NEGR1: variants seen among roughly 807,000 people sequenced by gnomAD.
NEGR1 encodes the protein neuronal growth regulator 1.
In NEGR1, 10 loss-of-function variants were observed where a neutral mutation model predicts 40.9. That is an observed-to-expected ratio of 0.24 (90% CI 0.15 to 0.42). The LOEUF is 0.42. Among genes scored for constraint, NEGR1 ranks in the 10% least tolerant of loss-of-function variants. The pLI is 1.00. For synonymous variants in NEGR1, 185 were observed against 166.8 expected, an observed-to-expected ratio of 1.11 and a Z score of -0.84; for missense variants, 352 against 438.9, an observed-to-expected ratio of 0.80 and a Z score of 1.77.
chr1:71,436,715 C>A (rs986743579), intron 6 of NEGR1, among the ~76,000 whole-genome samples: 4 of 152,040 alleles, frequency 2.6e-5, no homozygotes, highest in Non-Finnish European at 5.9e-5. Flanking sequence ...ACTTATTTTC[C>A]CCTCCTAAGC....
At chr1:72,257,093 C>T (rs1461351248) in intron 1 of NEGR1, among the ~76,000 whole-genome samples, 2 of 151,972 alleles carry the variant, frequency 1.3e-5, no homozygotes, top group Non-Finnish European at 2.9e-5. Flanking sequence ...GAGGCCGAGG[C>T]GGGCGGATCA....
chr1:71,845,788 C>T (rs1338662336), intron 2 of NEGR1, among the ~76,000 whole-genome samples: 1 of 152,130 alleles, frequency 6.6e-6, no homozygotes, highest in African/African-American at 2.4e-5. Context: ...GAGATGGGCT[C>T]TTGCTGTGTC....
chr1:72,022,415 T>C (rs1646769136), intron 1 of NEGR1, among the ~76,000 whole-genome samples: 1 of 149,106 alleles, frequency 6.7e-6, no homozygotes. Flanking sequence ...ATAAGAAGTA[T>C]ATAATCATCT....
intron 2 of NEGR1, among the ~76,000 whole-genome samples, chr1:71,905,432 C>T (rs987127370): frequency 5.3e-5 from 8 of 151,526 alleles, no homozygotes; most frequent in Non-Finnish European, 7.4e-5. Flanking sequence ...TTTTTATTTA[C>T]ATTTATATTC....
At chr1:72,011,707 T>A (rs1342942155) in intron 1 of NEGR1, among the ~76,000 whole-genome samples, 1 of 152,274 alleles carries the variant, frequency 6.6e-6, no homozygotes, top group East Asian at 1.9e-4. Context: ...CATCGGTGAA[T>A]GACACTAAGT....
chr1:72,093,292 C>G (rs985428321), intron 1 of NEGR1, among the ~76,000 whole-genome samples: 4 of 142,278 alleles, frequency 2.8e-5, no homozygotes, highest in African/African-American at 1.1e-4. Flanking sequence ...GACTGTGCCA[C>G]TGCACTCCAG....
intron 1 of NEGR1, among the ~76,000 whole-genome samples, chr1:72,239,574 C>G (rs539726843): frequency 2.2e-4 from 33 of 151,600 alleles, no homozygotes; most frequent in African/African-American, 7.2e-4. Flanking sequence ...TCTAAAAATG[C>G]AATTTGAAGT....
chr1:72,249,667 G>A (rs928842320), intron 1 of NEGR1, among the ~76,000 whole-genome samples: 1 of 152,154 alleles, frequency 6.6e-6, no homozygotes, highest in African/African-American at 2.4e-5. Context: ...AGATGAATGT[G>A]AGAATAGAAT....
intron 4 of NEGR1, among the ~76,000 whole-genome samples, chr1:71,645,884 C>T (rs1651512109): frequency 6.6e-6 from 1 of 151,740 alleles, no homozygotes; most frequent in Non-Finnish European, 1.5e-5. Context: ...CACTGCTTGG[C>T]TGCCTAGCAC....
At chr1:72,149,148 C>T (rs192940383) in intron 1 of NEGR1, among the ~76,000 whole-genome samples, 411 of 152,094 alleles carry the variant, frequency 2.7e-3, no homozygotes, top group African/African-American at 9.0e-3. Context: ...TGGCAGGATG[C>T]GAAAGACACT....
intron 3 of NEGR1, among the ~76,000 whole-genome samples, chr1:71,717,549 G>A (rs764874046): frequency 6.6e-6 from 1 of 152,052 alleles, no homozygotes; most frequent in Admixed American, 6.6e-5. Flanking sequence ...ACCAAGATCA[G>A]GGACTTAATC....
chr1:72,025,844 G>A (rs1298294682), intron 1 of NEGR1, among the ~76,000 whole-genome samples: 1 of 152,018 alleles, frequency 6.6e-6, no homozygotes, highest in African/African-American at 2.4e-5. Flanking sequence ...GGGAGCGGTG[G>A]CTCACGCCTG....
At chr1:72,014,013 T>C (rs1464920143) in intron 1 of NEGR1, among the ~76,000 whole-genome samples, 2 of 147,256 alleles carry the variant, frequency 1.4e-5, no homozygotes, top group African/African-American at 2.5e-5. Context: ...AACTAGTTAA[T>C]TAATCTAGAA....
intron 2 of NEGR1, among the ~76,000 whole-genome samples, chr1:71,859,013 T>C (rs1050760061): frequency 4.6e-5 from 7 of 152,070 alleles, no homozygotes; most frequent in African/African-American, 1.7e-4. Context: ...CATTGGTGTG[T>C]TATCAAATCA....
intron 1 of NEGR1, among the ~76,000 whole-genome samples, chr1:71,938,366 A>C (rs909991559): frequency 6.6e-6 from 1 of 151,492 alleles, no homozygotes; most frequent in Non-Finnish European, 1.5e-5. Context: ...AATAGGCCAA[A>C]CATACACACA....
chr1:71,870,816 T>C (rs987731689), intron 2 of NEGR1, among the ~76,000 whole-genome samples: 12 of 152,210 alleles, frequency 7.9e-5, no homozygotes, highest in African/African-American at 2.7e-4. Flanking sequence ...CATGAGATGT[T>C]GTTTTCATGA....
At chr1:71,831,575 C>G (rs1658841374) in intron 2 of NEGR1, among the ~76,000 whole-genome samples, 1 of 151,942 alleles carries the variant, frequency 6.6e-6, no homozygotes, top group South Asian at 2.1e-4. Context: ...AAATTGTTTT[C>G]TGTCATCAGA....
intron 1 of NEGR1, among the ~76,000 whole-genome samples, chr1:72,087,595 T>C (rs1648277627): frequency 1.3e-5 from 2 of 151,608 alleles, no homozygotes; most frequent in Non-Finnish European, 1.5e-5. Flanking sequence ...CATATTTGTG[T>C]TCTTTTATAT....
intron 6 of NEGR1, among the ~76,000 whole-genome samples, chr1:71,574,319 G>A (rs1648893306): frequency 6.6e-6 from 1 of 152,134 alleles, no homozygotes. Flanking sequence ...TCTGACCCAG[G>A]AGTCTTGTGT....
Sources: allele counts gnomAD v4.1 joint callset (sites outside exome capture counted in the v4.1 genomes callset), GRCh38; gene constraint gnomAD v4.1.1; transcripts MANE v1.5; gene names NCBI Gene and HGNC (gene_info 2026-07-23, HGNC 2026-07-21).